The following XPO6 variants were observed in gnomAD, a reference collection of about 807,000 sequenced individuals.
XPO6 encodes the protein exportin-6.
XPO6 carries 3 observed loss-of-function variants against 130.0 expected under a neutral mutation model. The observed-to-expected ratio is 0.02, with a 90% CI of 0.01 to 0.06. The LOEUF (loss-of-function observed/expected upper bound fraction) is 0.06, where lower values mean the gene tolerates loss of function less well. Among genes scored for constraint, XPO6 ranks in the 10% least tolerant of loss-of-function variants. XPO6 has a pLI of 1.00. For missense variants in XPO6, 970 were observed against 1,393.0 expected (o/e 0.70, Z 4.83); for synonymous variants, 524 against 548.9 (o/e 0.95, Z 0.63).
intron 6 of XPO6, among the ~76,000 whole-genome samples, chr16:28,158,954 G>A (rs2043227484): frequency 6.6e-6 from 1 of 152,178 alleles, no homozygotes; most frequent in Non-Finnish European, 1.5e-5. Context: ...AACAGGCCAG[G>A]AGCGGTGGCT....
chr16:28,197,717 C>T lies in XPO6; in HGVS notation c.3+13649G>A, dbSNP rs1168866482. Among the ~76,000 whole-genome samples, 4 of 151,690 alleles carry T rather than the reference C, an allele frequency of 2.6e-5. No individual in the cohort carries two copies. The East Asian group carries it at 7.7e-4, about 29-fold the overall frequency. ...AGATCACGAGGTCAGGAGTTCAAGA[C>T]CAGCCTGGCCAACATAGTGAAACCC... On this transcript the variant is annotated intron_variant, in intron 1 of 23. Coordinates refer to ENST00000304658, the MANE Select transcript of XPO6 (RefSeq NM_015171.4).
chr16:28,145,717 C>A (rs2042970798), intron 9 of XPO6, among the ~76,000 whole-genome samples: 1 of 152,140 alleles, frequency 6.6e-6, no homozygotes. Flanking sequence ...ACATGGGCAG[C>A]CTGTTTCTTC....
rs1028268019 is a variant in XPO6 at position 28,190,003 on chromosome 16, G to A, written c.4-8972C>T. 5.3e-5 allele frequency among the ~76,000 whole-genome samples: 8 copies of A among 152,254 alleles called. No homozygotes were observed. In the South Asian group the frequency reaches 1.2e-3, roughly 24 times the overall value. On this transcript the variant is annotated intron_variant, in intron 1 of 23. Transcript: ENST00000304658. ...AAGAGTTAGAAGCAAGATGACTGCC[G>A]GGTGTCTGGGCCAGGAAGTTCAACT...
chr16:28,140,255 T>TA, intron 9 of XPO6, among the ~76,000 whole-genome samples: 1 of 147,630 alleles, frequency 6.8e-6, no homozygotes, highest in African/African-American at 2.5e-5. Flanking sequence ...AAAAGACATG[T>TA]ACAAATTAAA....
chr16:28,190,378 C>T (rs887478918), intron 1 of XPO6, among the ~76,000 whole-genome samples: 5 of 152,062 alleles, frequency 3.3e-5, no homozygotes, highest in South Asian at 2.1e-4. Context: ...CGCCACCACA[C>T]CTGGCTAATT....
In XPO6 at chr16:28,133,827, G is replaced by C; in HGVS notation, c.1536+14C>G. 6.2e-7 allele frequency: 1 copy of C among 1,613,410 alleles called. No homozygotes were observed. The highest frequency in any genetic ancestry group is 8.5e-7 in the Non-Finnish European group (1 of 1,179,696). On this transcript the variant is annotated intron_variant, in intron 11 of 23. Transcript: ENST00000304658. ...AAATCGCTACACTCTCCACTCCCCC[G>C]GACAGCACATTACCAGTGTGGAGAA...
At chr16:28,110,880 G>A (rs1483716768) in intron 17 of XPO6, among the ~76,000 whole-genome samples, 3 of 152,212 alleles carry the variant, frequency 2.0e-5, no homozygotes, top group African/African-American at 4.8e-5. Context: ...GAATCACCAA[G>A]GCAAGAGCCT....
intron 7 of XPO6, 192 bp from the exon 8 acceptor site, chr16:28,152,977 A>G (rs1267798070): frequency 5.6e-6 from 7 of 1,260,644 alleles, no homozygotes; most frequent in Non-Finnish European, 7.0e-6. Context: ...GAAACATAGC[A>G]GAAAAGCAAC....
chr16:28,169,937 G>A, intron 4 of XPO6, 28 bp from the exon 5 acceptor site: 1 of 1,612,628 alleles, frequency 6.2e-7, no homozygotes, highest in East Asian at 2.2e-5. Flanking sequence ...GTTCTGAGCA[G>A]AGTGTTGGAC....
intron 9 of XPO6, among the ~76,000 whole-genome samples, chr16:28,140,399 G>A (rs946619097): frequency 6.6e-6 from 1 of 152,038 alleles, no homozygotes; most frequent in African/African-American, 2.4e-5. Context: ...TTGAAGGATA[G>A]CCGGGCGTGG....
intron 1 of XPO6, among the ~76,000 whole-genome samples, chr16:28,181,926 T>C (rs1215700853): frequency 6.6e-6 from 1 of 152,108 alleles, no homozygotes; most frequent in Admixed American, 6.5e-5. Flanking sequence ...GGGGTTCATA[T>C]GGAGCCCCAA....
Position 28,107,534 on chromosome 16 carries a change from T to C in XPO6, c.2485A>G (p.Ile829Val). 1.2e-6 allele frequency: 2 copies of C among 1,614,118 alleles called. No homozygotes were observed. Among genetic ancestry groups the C allele is most frequent in the Non-Finnish European group, 1.7e-6 (2 of 1,179,994 alleles). Residue 829 changes from isoleucine to valine, a missense_variant, in exon 18 of 24, where the codon ATC (isoleucine) becomes GTC (valine). By Grantham distance (29) the Ile-to-Val change is conservative. Coordinates refer to ENST00000304658, the MANE Select transcript of XPO6 (RefSeq NM_015171.4). Reference sequence around the variant, plus strand: ...GGCCAGCTCCTACCTGACTGATGGATAAAAGCTGGAAAGAGGGCCAGGGAG... The same window carrying C: ...GGCCAGCTCCTACCTGACTGATGGACAAAAGCTGGAAAGAGGGCCAGGGAG... ...QVSLALFPAF[I>V]HQSDVTDEML...
intron 17 of XPO6, among the ~76,000 whole-genome samples, chr16:28,109,446 C>A (rs1269828770): frequency 6.6e-6 from 1 of 152,056 alleles, no homozygotes. Flanking sequence ...CTGCCAAGCA[C>A]CTTCCCAATG....
chr16:28,171,964 T>A lies in XPO6; in HGVS notation c.406-2055A>T, dbSNP rs959939138. On this transcript the variant is annotated intron_variant, in intron 4 of 23. Coordinates refer to ENST00000304658, the MANE Select transcript of XPO6 (RefSeq NM_015171.4). Reference sequence around the variant, plus strand: ...TTTCCCCTCCAGGCTGCATCCTTACTCTCTCAGCTGGAAATGACTCGTAAT... The same window carrying A: ...TTTCCCCTCCAGGCTGCATCCTTACACTCTCAGCTGGAAATGACTCGTAAT... Among the ~76,000 whole-genome samples, 3 of 152,242 alleles carry A rather than the reference T, an allele frequency of 2.0e-5. No homozygotes were observed. The East Asian group carries it at 5.8e-4, about 29-fold the overall frequency.
intron 9 of XPO6, among the ~76,000 whole-genome samples, chr16:28,136,204 G>GTGTTTTGTTTTGTTT (rs148637340): frequency 6.6e-6 from 1 of 151,924 alleles, no homozygotes; most frequent in African/African-American, 2.4e-5. Flanking sequence ...CACCAATGAA[G>GTGTTTTGTTTTGTTT]TGTTTTGTTT....
chr16:28,190,875 T>A (rs992283130), intron 1 of XPO6, among the ~76,000 whole-genome samples: 2 of 142,588 alleles, frequency 1.4e-5, no homozygotes, highest in East Asian at 4.1e-4. Context: ...TATATGTCTA[T>A]ATATACATAT....
intron 12 of XPO6, among the ~76,000 whole-genome samples, chr16:28,126,253 G>A (rs1005144563): frequency 5.3e-5 from 8 of 152,234 alleles, no homozygotes; most frequent in African/African-American, 1.9e-4. Flanking sequence ...GTTCTACGCT[G>A]AGTCTATGTG....
Position 28,106,606 on chromosome 16 carries a change from C to G in XPO6, c.2498-109G>C. ...TCTGCACTATCAGCTTTCTCTACAG[C>G]TTCCTGCTGGAAACATTTCCCCAAC... is the stretch of plus-strand genomic sequence containing the variant. On this transcript the variant is annotated intron_variant, in intron 18 of 23. Transcript: ENST00000304658. The surrounding 1 kb of genome is among the most constrained non-coding windows in gnomAD (Gnocchi z 4.2). The G allele has an allele frequency of 1.2e-6, 1 of 816,618 alleles. No homozygotes were observed. The highest frequency in any genetic ancestry group is 2.2e-5 in the Admixed American group (1 of 45,650). The allele number at this position is 816,618 out of a possible 1,614,324, so 50.6% of individuals were successfully genotyped here. A position where few individuals can be genotyped will look rare whatever the true frequency, so the allele number is the denominator to read the frequency against.
intron 17 of XPO6, among the ~76,000 whole-genome samples, chr16:28,109,973 C>A (rs1325480579): frequency 6.6e-6 from 1 of 152,004 alleles, no homozygotes; most frequent in Non-Finnish European, 1.5e-5. Flanking sequence ...AAAACATTCA[C>A]AATTAGTGAA....
Sources: allele counts gnomAD v4.1 joint callset (sites outside exome capture counted in the v4.1 genomes callset), GRCh38; gene constraint gnomAD v4.1.1; non-coding constraint Gnocchi (gnomAD v3.1); transcripts MANE v1.5; gene names NCBI Gene and HGNC (gene_info 2026-07-23, HGNC 2026-07-21).